Variants in WDR13 observed in about 807,000 individuals in gnomAD.
WDR13 encodes WD repeat-containing protein 13.
Under a neutral mutation model 28.6 loss-of-function variants are expected in WDR13, and 1 was observed. That is an observed-to-expected ratio of 0.03 (90% confidence interval 0.01 to 0.17). The LOEUF (loss-of-function observed/expected upper bound fraction) is 0.17. Among genes scored for constraint, WDR13 ranks in the 10% least tolerant of loss-of-function variants. The probability of loss-of-function intolerance (pLI) is 1.00; values close to 1 mark genes in which losing one functional copy is unlikely to be tolerated. For missense variants in WDR13, 264 were observed against 469.3 expected (o/e 0.56, Z 4.04); for synonymous variants, 201 against 185.9 (o/e 1.08, Z -0.66).
chrX:48,603,511 G>T (rs1158406199), intron 8 of WDR13, among the ~76,000 whole-genome samples: 1 of 111,823 alleles, frequency 8.9e-6, no homozygotes, highest in Non-Finnish European at 1.9e-5. Flanking sequence ...AGCTGGGCAT[G>T]GTGGCAGGCG....
chrX:48,606,421 C>G lies in WDR13; in HGVS notation c.*1389C>G, dbSNP rs899900990. The G allele has an allele frequency of 3.6e-5, 4 of 110,941 alleles. No homozygotes were observed. The East Asian group carries it at 1.1e-3, about 32-fold the overall frequency. The allele number at this position is 110,941 out of a possible 1,213,427, so 9.1% of individuals were successfully genotyped here. On this transcript the variant is annotated 3_prime_UTR_variant, in exon 10 of 10. Transcript: ENST00000376729. ...AGGTGTTGAGTCCTGGAGCCCCAAGCTGGTGCAGGAGCAACGGGAAGTTAA... is the reference window on the plus strand; with the variant it reads ...AGGTGTTGAGTCCTGGAGCCCCAAGGTGGTGCAGGAGCAACGGGAAGTTAA...
intron 6 of WDR13, 62 bp downstream of exon 6, chrX:48,600,688 G>C: frequency 1.7e-6 from 2 of 1,145,116 alleles, no homozygotes; most frequent in Admixed American, 5.0e-5. Context: ...GGCTATCTGA[G>C]GGAATCAGAG....
Position 48,602,146 on chromosome X carries a change from G to T in WDR13, c.1094G>T (p.Arg365Leu). ...TSISARSWVSREARDPSLLIN... is the reference protein window; with the variant it reads ...TSISARSWVSLEARDPSLLIN... ...ATCTCAGCCCGGTCCTGGGTCAGCC[G>T]CGAGGCCCGGGATCCCTCACTGCTC... Residue 365 changes from arginine (R) to leucine (L), a missense_variant, in exon 8 of 10, where the codon CGC becomes CTC. Arg to Leu is a moderately radical substitution (Grantham distance 102). Coordinates refer to ENST00000376729, the MANE Select transcript of WDR13 (RefSeq NM_001347217.2). 1 of 1,211,545 alleles carries T rather than the reference G, an allele frequency of 8.3e-7. No homozygotes were observed. The highest frequency in any genetic ancestry group is 1.1e-6 in the Non-Finnish European group (1 of 895,328).
chrX:48,599,217 C>A (rs781936736), intron 3 of WDR13, 136 bp from the exon 4 acceptor site: 455 of 622,180 alleles, frequency 7.3e-4, no homozygotes, highest in South Asian at 1.4e-3. Context: ...TGCAGTAGTA[C>A]AAGTGGGCAG....
Position 48,600,549 on chromosome X carries a change from A to T in WDR13, c.754A>T (p.Ile252Phe). The T allele has an allele frequency of 7.4e-6, 9 of 1,211,631 alleles. No homozygotes were observed. Among genetic ancestry groups the T allele is most frequent in the Non-Finnish European group, 8.9e-6 (8 of 895,462 alleles). ...RIWASEDGRC[I>F]REIPDPDSAE... is the part of the protein sequence containing the mutation. ...CTGGGCCTCTGAGGATGGTCGCTGCATCCGAGAGATCCCTGACCCCGATAG... is the reference window on the plus strand; with the variant it reads ...CTGGGCCTCTGAGGATGGTCGCTGCTTCCGAGAGATCCCTGACCCCGATAG... The change falls in exon 6 of 10, where the codon ATC (isoleucine) becomes TTC (phenylalanine). Residue 252 changes from isoleucine to phenylalanine, a missense_variant. This residue lies in a region of WDR13 where 157 missense variants were observed against 270.2 expected (regional missense o/e 0.58). Transcript: ENST00000376729.
At position 48,599,676 on chromosome X, in the gene WDR13, C is replaced by T. The variant is rs1286620742; in HGVS notation, c.482C>T (p.Ala161Val). 22 of 1,212,432 alleles carry T rather than the reference C, an allele frequency of 1.8e-5. No homozygotes were observed. Among genetic ancestry groups the T allele is most frequent in the Non-Finnish European group, 2.5e-5 (22 of 895,650 alleles). The change falls in exon 5 of 10, where the codon GCG (alanine) becomes GTG (valine). Residue 161 changes from alanine to valine, a missense_variant. Transcript: ENST00000376729. ...DTSLSENYAF[A>V]GMYHVFDQHV... ...TCACTGAGCGAGAACTATGCCTTTG[C>T]GGGCATGTATCATGTTTTTGACCAG... is the stretch of plus-strand genomic sequence containing the variant.
At chrX:48,598,060 A>G (rs782727166) in intron 2 of WDR13, 23 bp downstream of exon 2, 2 of 1,162,719 alleles carry the variant, frequency 1.7e-6, no homozygotes, top group Middle Eastern at 2.3e-4. Context: ...GTCAAAGCCC[A>G]TGGGAGCAGA....
At position 48,607,976 on chromosome X, in the gene WDR13, T is replaced by C. The variant is rs1421565725; in HGVS notation, c.*2944T>C. The C allele has an allele frequency of 1.8e-5, 2 of 109,312 alleles. No individual in the cohort carries two copies. Among genetic ancestry groups the C allele is most frequent in the Non-Finnish European group, 3.8e-5 (2 of 52,578 alleles). The allele number at this position is 109,312 out of a possible 1,213,427, so 9.0% of individuals were successfully genotyped here. ...TAGTAGAGACGGGGTTTCACCATATTGGCCAGGCTGGTCTCCATCTCTTGA... is the reference window on the plus strand; with the variant it reads ...TAGTAGAGACGGGGTTTCACCATATCGGCCAGGCTGGTCTCCATCTCTTGA... On this transcript the variant is annotated 3_prime_UTR_variant, in exon 10 of 10. Coordinates refer to ENST00000376729, the MANE Select transcript of WDR13 (RefSeq NM_001347217.2).
Position 48,605,207 on chromosome X carries a change from T to C in WDR13, c.*175T>C. 2.0e-6 allele frequency: 1 copy of C among 509,069 alleles called. No individual in the cohort carries two copies. The highest frequency in any genetic ancestry group is 2.4e-5 in the African/African-American group (1 of 42,418). 42.0% of individuals were successfully genotyped at this position (509,069 alleles called of 1,213,427 possible). The stretch of plus-strand genomic sequence containing the variant: ...CGGTGGAACGGGGTTCATTGACTCA[T>C]TTGTGCATTCATGCATCGACGGATT... On this transcript the variant is annotated 3_prime_UTR_variant, in exon 10 of 10. Coordinates refer to ENST00000376729, the MANE Select transcript of WDR13 (RefSeq NM_001347217.2).
chrX:48,604,617 A>G (rs1262905362), intron 9 of WDR13, among the ~76,000 whole-genome samples: 2 of 112,785 alleles, frequency 1.8e-5, no homozygotes, highest in East Asian at 2.8e-4. Flanking sequence ...GAAAACTCAC[A>G]CTTTGAACGC....
intron 1 of WDR13, 166 bp downstream of exon 1, chrX:48,597,780 C>T (rs2062152520): frequency 1.9e-6 from 1 of 515,993 alleles, no homozygotes; most frequent in East Asian, 4.4e-5. Flanking sequence ...TGTGTGTCAC[C>T]CGGGCGCTGC....
chrX:48,599,310 G>T, intron 3 of WDR13, 43 bp from the exon 4 acceptor site: 1 of 1,057,523 alleles, frequency 9.5e-7, no homozygotes, highest in Non-Finnish European at 1.3e-6. Context: ...AGGTTCTCGG[G>T]CTTTTTGCAA....
rs1556993741 is a variant in WDR13 at position 48,599,443 on chromosome X, C to T, written c.373C>T (p.Arg125Cys). 2.5e-6 allele frequency: 3 copies of T among 1,208,880 alleles called. No individual in the cohort carries two copies. The highest frequency in any genetic ancestry group is 3.0e-5 in the East Asian group (1 of 33,741). Residue 125 changes from arginine (R) to cysteine (C), a missense_variant, in exon 4 of 10, where the codon CGT (arginine) becomes TGT (cysteine). Around this residue, in one of 4 missense-constraint regions of WDR13, gnomAD observed 74 missense variants for 89.3 expected, o/e 0.83. Coordinates refer to ENST00000376729, the MANE Select transcript of WDR13 (RefSeq NM_001347217.2). ...GSYQLQAQMN[R>C]AVYEDRPPGS... ...CTACCAGCTGCAGGCGCAGATGAAC[C>T]GTGCCGTCTATGAGGACAGGTATGC...
At position 48,599,349 on chromosome X, in the gene WDR13, G is replaced by T. The variant is rs112688461; in HGVS notation, c.283-4G>T. Reference sequence around the variant, plus strand: ...GCACCCACCCTGACCCTCTCCATTTGCAGGACTTTGAGGATGATCCTCGGG... The same window carrying T: ...GCACCCACCCTGACCCTCTCCATTTTCAGGACTTTGAGGATGATCCTCGGG... On this transcript the variant is annotated splice_polypyrimidine_tract_variant and splice_region_variant and intron_variant, in intron 3 of 9. Transcript: ENST00000376729. The T allele has an allele frequency of 8.5e-7, 1 of 1,181,270 alleles. No homozygotes were observed. The highest frequency in any genetic ancestry group is 1.8e-5 in the African/African-American group (1 of 56,546).
At chrX:48,602,519 TCTTCCTTC>T (rs1363330229) in intron 8 of WDR13, among the ~76,000 whole-genome samples, 1 of 104,176 alleles carries the variant, frequency 9.6e-6, no homozygotes, top group Non-Finnish European at 2.0e-5. Context: ...TGTTTTCCTT[TCTTCCTTC>T]CTTCCTTTTT....
Position 48,605,299 on chromosome X carries a change from A to G in WDR13, c.*267A>G, listed in dbSNP as rs1417340237. 2 of 367,692 alleles carry G rather than the reference A, an allele frequency of 5.4e-6. No individual in the cohort carries two copies. Among genetic ancestry groups the G allele is most frequent in the African/African-American group, 5.1e-5 (2 of 39,381 alleles). The allele number at this position is 367,692 out of a possible 1,213,427, so 30.3% of individuals were successfully genotyped here. On this transcript the variant is annotated 3_prime_UTR_variant, in exon 10 of 10. Coordinates refer to ENST00000376729, the MANE Select transcript of WDR13 (RefSeq NM_001347217.2). The stretch of plus-strand genomic sequence containing the variant: ...AGGCCCTGCCTTAACTGTTTTACAC[A>G]CTTATGCATTCGATAGACATTAGTG...
intron 8 of WDR13, 92 bp from the exon 9 acceptor site, chrX:48,604,180 G>A: frequency 1.3e-6 from 1 of 782,816 alleles, no homozygotes; most frequent in Non-Finnish European, 1.9e-6. Flanking sequence ...ACCCTGTAAA[G>A]AACTTAGGCA....
intron 4 of WDR13, 29 bp from the exon 5 acceptor site, chrX:48,599,558 G>A: frequency 1.7e-6 from 2 of 1,211,881 alleles, no homozygotes; most frequent in Non-Finnish European, 1.1e-6. Context: ...TCTACCTCCT[G>A]TCACCCCTCA....
At chrX:48,597,831 C>CG in intron 1 of WDR13, 127 bp from the exon 2 acceptor site, 1 of 895,085 alleles carries the variant, frequency 1.1e-6, no homozygotes, top group Non-Finnish European at 1.5e-6. Flanking sequence ...TGGTAACACC[C>CG]GGGGGGGAGT....
Sources: allele counts gnomAD v4.1 joint callset (sites outside exome capture counted in the v4.1 genomes callset), GRCh38; gene constraint gnomAD v4.1.1; regional missense constraint gnomAD v4.1.1; transcripts MANE v1.5; gene names NCBI Gene and HGNC (gene_info 2026-07-23, HGNC 2026-07-21).